SLC4A5: variants seen among roughly 807,000 people sequenced by gnomAD.
The protein encoded by SLC4A5 is solute carrier family 4 member 5, also known as electrogenic sodium bicarbonate cotransporter 4.
In SLC4A5, 96 loss-of-function variants were observed where a neutral mutation model predicts 120.4. The observed-to-expected ratio is 0.80, with a 90% CI of 0.68 to 0.94. SLC4A5 has a LOEUF of 0.94. Ranked by LOEUF, SLC4A5 falls within the 40% of genes least tolerant of loss-of-function variation. The pLI is 0.00. For synonymous variants in SLC4A5, 550 were observed against 571.1 expected (o/e 0.96, Z 0.53); for missense variants, 1,259 against 1,459.5 (o/e 0.86, Z 2.24).
intron 4 of SLC4A5, among the ~76,000 whole-genome samples, chr2:74,330,646 T>C (rs1208626552): frequency 6.8e-6 from 1 of 146,914 alleles, no homozygotes; most frequent in Non-Finnish European, 1.5e-5. Context: ...TGGTGAGGTC[T>C]AGATGGGGGT....
intron 25 of SLC4A5, 123 bp downstream of exon 25, chr2:74,231,113 G>T: frequency 1.2e-6 from 1 of 856,174 alleles, no homozygotes; most frequent in Non-Finnish European, 1.8e-6. Flanking sequence ...GGCCAAGACT[G>T]TGCCTTTCTT....
chr2:74,253,532 C>T (rs17009774), intron 14 of SLC4A5, among the ~76,000 whole-genome samples: 13,156 of 152,216 alleles, frequency 0.086, 926 homozygotes, highest in East Asian at 0.36. Flanking sequence ...GTTCTTCACA[C>T]TGTCTCCAGA....
At chr2:74,219,370 TTCTTGCACAGGGTGCTCTG>T (rs1424397602) in intron 30 of SLC4A5, among the ~76,000 whole-genome samples, 1 of 152,212 alleles carries the variant, frequency 6.6e-6, no homozygotes, top group African/African-American at 2.4e-5. Context: ...TACTCCGATA[TTCTTGCACAGGGTGCTCTG>T]TCTTTGTTTG....
At chr2:74,244,345 T>C (rs533184121) in intron 19 of SLC4A5, among the ~76,000 whole-genome samples, 1 of 152,290 alleles carries the variant, frequency 6.6e-6, no homozygotes, top group African/African-American at 2.4e-5. Flanking sequence ...GCTTGGACCC[T>C]ACTCCAGAGT....
intron 8 of SLC4A5, among the ~76,000 whole-genome samples, chr2:74,269,522 C>T (rs1252327547): frequency 1.3e-5 from 2 of 152,122 alleles, no homozygotes; most frequent in East Asian, 1.9e-4. Context: ...CGTGAGCCAC[C>T]GCGCCCGGCC....
chr2:74,317,985 G>A (rs1023547862), intron 5 of SLC4A5, among the ~76,000 whole-genome samples: 7 of 152,158 alleles, frequency 4.6e-5, no homozygotes, highest in African/African-American at 1.4e-4. Context: ...AAGGAAACAG[G>A]AGCAATGTAG....
chr2:74,217,693 T>C (rs761815581), exon 31 of SLC4A5: 4 of 152,250 alleles, frequency 2.6e-5, no homozygotes, highest in Non-Finnish European at 5.9e-5. Flanking sequence ...TAGAAACATT[T>C]ATCCACTCAG....
At chr2:74,268,203 G>A (rs1671365285) in intron 8 of SLC4A5, among the ~76,000 whole-genome samples, 1 of 152,032 alleles carries the variant, frequency 6.6e-6, no homozygotes, top group Admixed American at 6.5e-5. Flanking sequence ...TAAAAATAAA[G>A]AATATTACTT....
chr2:74,287,122 C>T (rs983995788), intron 7 of SLC4A5, among the ~76,000 whole-genome samples: 1 of 152,208 alleles, frequency 6.6e-6, no homozygotes, highest in Non-Finnish European at 1.5e-5. Flanking sequence ...TCTTCCCTTC[C>T]TCCAGCCTGT....
At chr2:74,319,649 A>G (rs1377519831) in intron 5 of SLC4A5, 1 of 152,154 alleles carries the variant, frequency 6.6e-6, no homozygotes, top group Admixed American at 6.5e-5. Flanking sequence ...TGTTTGCAAT[A>G]TAGTGCATTC....
chr2:74,219,832 G>T (rs58905067), intron 30 of SLC4A5, among the ~76,000 whole-genome samples: 1 of 152,222 alleles, frequency 6.6e-6, no homozygotes, highest in South Asian at 2.1e-4. Flanking sequence ...GACTGGGGAA[G>T]TGGGATGAGA....
At position 74,336,685 on chromosome 2, in the gene SLC4A5, G is replaced by A. The variant is rs75127969; in HGVS notation, c.-221+2170C>T. 3.5e-3 allele frequency among the ~76,000 whole-genome samples: 527 copies of A among 152,256 alleles called. 7 individuals carry two copies. Among genetic ancestry groups the A allele is most frequent in the African/African-American group, 0.011 (463 of 41,550 alleles). ...GCTGATAACTGGCTGCCCTGGCCTGGGGGATGGGAATAGGGAGTCTTGCCT... is the reference window on the plus strand; with the variant it reads ...GCTGATAACTGGCTGCCCTGGCCTGAGGGATGGGAATAGGGAGTCTTGCCT... On this transcript the variant is annotated intron_variant, in intron 3 of 30. Transcript: ENST00000394019.
chr2:74,285,669 G>A, intron 8 of SLC4A5, 104 bp downstream of exon 8: 2 of 1,403,052 alleles, frequency 1.4e-6, no homozygotes, highest in South Asian at 2.6e-5. Flanking sequence ...TTGTGGACCA[G>A]GAAGCTCTCA....
chr2:74,320,666 A>G (rs1210813025), intron 5 of SLC4A5, among the ~76,000 whole-genome samples: 5 of 152,176 alleles, frequency 3.3e-5, no homozygotes, highest in Non-Finnish European at 7.3e-5. Context: ...CTCTAGCAAG[A>G]TGAAGGACTT....
chr2:74,304,739 A>G (rs1672588421), intron 6 of SLC4A5, 59 bp from the exon 7 acceptor site: 1 of 1,519,376 alleles, frequency 6.6e-7, no homozygotes. Flanking sequence ...GCATTTTTTC[A>G]TAATATTCAT....
intron 8 of SLC4A5, among the ~76,000 whole-genome samples, chr2:74,274,311 G>A (rs1404623950): frequency 6.6e-6 from 1 of 152,120 alleles, no homozygotes; most frequent in Non-Finnish European, 1.5e-5. Flanking sequence ...TCAAAAAAAC[G>A]GGAGAAACAC....
chr2:74,224,120 G>A (rs1694758345), intron 28 of SLC4A5, among the ~76,000 whole-genome samples: 1 of 152,114 alleles, frequency 6.6e-6, no homozygotes, highest in Admixed American at 6.6e-5. Context: ...CCTTTTGTGG[G>A]GACAGTTTCA....
At chr2:74,251,029 C>G (rs1277443917) in intron 16 of SLC4A5, among the ~76,000 whole-genome samples, 5 of 152,168 alleles carry the variant, frequency 3.3e-5, no homozygotes, top group Admixed American at 3.3e-4. Flanking sequence ...TTTGGAGACA[C>G]TGTTTACTGG....
chr2:74,240,761 C>A (rs1284476621), intron 20 of SLC4A5, among the ~76,000 whole-genome samples: 8 of 129,492 alleles, frequency 6.2e-5, no homozygotes, highest in Non-Finnish European at 1.3e-4. Context: ...CAGAGCAAGA[C>A]CCCATCTCAA....
Sources: gnomAD v4.1 joint callset for allele counts (sites outside exome capture counted in the v4.1 genomes callset) on GRCh38, gnomAD v4.1.1 for gene constraint, MANE v1.5 for transcripts, NCBI Gene and HGNC (gene_info 2026-07-23, HGNC 2026-07-21) for gene names.